Variants in SGCZ observed in about 807,000 individuals in gnomAD.
SGCZ encodes the protein sarcoglycan zeta.
Under a neutral mutation model 41.3 loss-of-function variants are expected in SGCZ, and 40 were observed. The ratio of observed to expected loss-of-function variants is 0.97; its 90% CI spans 0.75 to 1.26. SGCZ has a LOEUF of 1.26. Among genes scored for constraint, SGCZ ranks in the 50% most tolerant of loss-of-function variants. The pLI is 0.00. For synonymous variants in SGCZ, 206 were observed against 137.5 expected (o/e 1.50, Z -3.49); for missense variants, 552 against 369.8 (o/e 1.49, Z -4.04).
chr8:15,096,018 C>T (rs961878086), intron 1 of SGCZ, among the ~76,000 whole-genome samples: 47 of 152,078 alleles, frequency 3.1e-4, no homozygotes, highest in African/African-American at 1.0e-3. Flanking sequence ...CCCCAAGATA[C>T]GCCATCAAAC....
intron 2 of SGCZ, among the ~76,000 whole-genome samples, chr8:14,511,819 T>C (rs766206299): frequency 6.6e-6 from 1 of 152,158 alleles, no homozygotes; most frequent in African/African-American, 2.4e-5. Context: ...GGATATTTGC[T>C]AGGTTAGGCT....
intron 1 of SGCZ, among the ~76,000 whole-genome samples, chr8:14,894,692 G>C (rs752679585): frequency 5.9e-5 from 9 of 152,076 alleles, no homozygotes; most frequent in Non-Finnish European, 1.3e-4. Context: ...ATGGTCAAAT[G>C]AAATAAAAGC....
intron 1 of SGCZ, among the ~76,000 whole-genome samples, chr8:14,886,409 A>G (rs2130733933): frequency 6.6e-6 from 1 of 152,250 alleles, no homozygotes; most frequent in South Asian, 2.1e-4. Flanking sequence ...AGCAAAATAT[A>G]TTGGGAGGTA....
chr8:14,459,184 G>A (rs759549067), intron 2 of SGCZ, among the ~76,000 whole-genome samples: 14 of 151,866 alleles, frequency 9.2e-5, no homozygotes, highest in Non-Finnish European at 5.9e-5. Flanking sequence ...ACCAAACACC[G>A]CATGTTTTCA....
At chr8:15,159,776 G>A (rs1165950247) in intron 1 of SGCZ, among the ~76,000 whole-genome samples, 2 of 84,544 alleles carry the variant, frequency 2.4e-5, no homozygotes, top group African/African-American at 4.5e-5. Flanking sequence ...CACACAGATG[G>A]TGTCTGAATC....
intron 1 of SGCZ, among the ~76,000 whole-genome samples, chr8:14,600,902 T>C (rs1049361594): frequency 1.3e-5 from 2 of 151,898 alleles, no homozygotes; most frequent in Non-Finnish European, 2.9e-5. Flanking sequence ...CTGATATTTT[T>C]TTTTTTGATC....
intron 2 of SGCZ, among the ~76,000 whole-genome samples, chr8:14,461,245 G>C (rs931603114): frequency 6.6e-6 from 1 of 152,088 alleles, no homozygotes; most frequent in African/African-American, 2.4e-5. Flanking sequence ...CCTATGAACA[G>C]CTAGTCCCAC....
intron 4 of SGCZ, among the ~76,000 whole-genome samples, chr8:14,194,272 G>A (rs867307261): frequency 6.2e-4 from 94 of 151,884 alleles, no homozygotes; most frequent in African/African-American, 2.1e-3. Flanking sequence ...ATCAAAACAT[G>A]AATGTTTGGA....
chr8:14,784,913 A>AAAAAAAAAAAT (rs1408574493), intron 1 of SGCZ, among the ~76,000 whole-genome samples: 8 of 88,036 alleles, frequency 9.1e-5, no homozygotes, highest in African/African-American at 2.8e-4. Context: ...AAAAAAAAAA[A>AAAAAAAAAAAT]ATATATATAT....
At chr8:15,089,322 G>T (rs1405232855) in intron 1 of SGCZ, among the ~76,000 whole-genome samples, 1 of 152,140 alleles carries the variant, frequency 6.6e-6, no homozygotes, top group Non-Finnish European at 1.5e-5. Context: ...ATGTTCAAAT[G>T]AGTGTAATGA....
intron 1 of SGCZ, among the ~76,000 whole-genome samples, chr8:15,047,553 A>G (rs1050052750): frequency 6.6e-6 from 1 of 152,060 alleles, no homozygotes; most frequent in African/African-American, 2.4e-5. Context: ...AACATAATAC[A>G]AAATTCACTA....
At chr8:14,236,412 T>C (rs1806763169) in intron 4 of SGCZ, among the ~76,000 whole-genome samples, 1 of 152,140 alleles carries the variant, frequency 6.6e-6, no homozygotes, top group Non-Finnish European at 1.5e-5. Flanking sequence ...TCATATATGC[T>C]AAAATGTCTC....
rs1319021584 is a variant in SGCZ at position 14,766,869 on chromosome 8, T to C, written c.40-211943A>G. Among the ~76,000 whole-genome samples the C allele has an allele frequency of 2.6e-5, 4 of 151,008 alleles. No homozygotes were observed. In the South Asian group the frequency reaches 6.2e-4, roughly 24 times the overall value. ...CTGGGATTACAGGCATGAGCCACTG[T>C]GCCTGGCCTGATTTACTTTTAATAG... is the stretch of plus-strand genomic sequence containing the variant. On this transcript the variant is annotated intron_variant, in intron 1 of 7. Coordinates refer to ENST00000382080, the MANE Select transcript of SGCZ (RefSeq NM_139167.4).
intron 1 of SGCZ, among the ~76,000 whole-genome samples, chr8:14,793,958 C>G (rs1327050960): frequency 6.6e-6 from 1 of 152,096 alleles, no homozygotes; most frequent in Non-Finnish European, 1.5e-5. Flanking sequence ...TAGTACTATA[C>G]CAGCCAGATT....
intron 4 of SGCZ, among the ~76,000 whole-genome samples, chr8:14,177,959 T>TTTTTTTTTTC (rs1804602694): frequency 1.9e-5 from 1 of 53,022 alleles, no homozygotes; most frequent in Admixed American, 1.9e-4. Flanking sequence ...TTTTTTTTTC[T>TTTTTTTTTTC]TTTTTTTTTT....
chr8:14,423,896 CCTG>C (rs1410740029), intron 2 of SGCZ, among the ~76,000 whole-genome samples: 2 of 151,902 alleles, frequency 1.3e-5, no homozygotes, highest in African/African-American at 4.8e-5. Context: ...TTCCTTTCTC[CCTG>C]CTAAGTACCA....
intron 1 of SGCZ, among the ~76,000 whole-genome samples, chr8:15,174,053 C>A (rs1353612178): frequency 6.6e-6 from 1 of 152,094 alleles, no homozygotes; most frequent in Non-Finnish European, 1.5e-5. Flanking sequence ...TTAGTGTGCA[C>A]TTCAGTTAAG....
chr8:15,073,243 T>A (rs2131031362), intron 1 of SGCZ, among the ~76,000 whole-genome samples: 1 of 152,290 alleles, frequency 6.6e-6, no homozygotes, highest in South Asian at 2.1e-4. Context: ...TATACTGTTT[T>A]AATAATCATA....
At chr8:14,475,978 T>A (rs1201245482) in intron 2 of SGCZ, among the ~76,000 whole-genome samples, 1 of 138,992 alleles carries the variant, frequency 7.2e-6, no homozygotes, top group African/African-American at 2.9e-5. Flanking sequence ...TGCCTAGCTA[T>A]TTTTTTTTTT....
Sources: allele counts gnomAD v4.1 joint callset (sites outside exome capture counted in the v4.1 genomes callset), GRCh38; gene constraint gnomAD v4.1.1; transcripts MANE v1.5; gene names NCBI Gene and HGNC (gene_info 2026-07-23, HGNC 2026-07-21).